The following ENOX2 variants were observed in gnomAD, a reference collection of about 807,000 sequenced individuals.
ENOX2 encodes the protein APK1 antigen.
In ENOX2, 36 loss-of-function variants were observed where a neutral mutation model predicts 45.0. The observed-to-expected ratio is 0.80, with a 90% CI of 0.61 to 1.06. The LOEUF is 1.06. Ranked by LOEUF, ENOX2 falls within the 50% of genes least tolerant of loss-of-function variation. ENOX2 has a pLI of 0.00. For missense variants in ENOX2, 423 were observed against 462.5 expected (o/e 0.91, Z 0.78); for synonymous variants, 174 against 152.3 (o/e 1.14, Z -1.05).
At chrX:130,883,048 T>C (rs2078845684) in intron 2 of ENOX2, among the ~76,000 whole-genome samples, 1 of 112,519 alleles carries the variant, frequency 8.9e-6, no homozygotes, top group Non-Finnish European at 1.9e-5. Flanking sequence ...ATATAAGGTA[T>C]TTATAACATG....
rs151296187 is a variant in ENOX2 at position 130,732,257 on chromosome X, C to T, written c.-38-29003G>A. ...AAAACAATTCCTATTAATAATAGCA[C>T]GAAGGAGAATAAAATACTTAGTAAT... On this transcript the variant is annotated intron_variant, in intron 3 of 14. Transcript: ENST00000394363. Among the ~76,000 whole-genome samples the T allele has an allele frequency of 5.8e-4, 65 of 111,358 alleles. No individual in the cohort carries two copies. The East Asian group carries it at 0.011, about 19-fold the overall frequency.
chrX:130,876,904 TGTTAA>T (rs1172130799), intron 2 of ENOX2, among the ~76,000 whole-genome samples: 4 of 111,940 alleles, frequency 3.6e-5, no homozygotes, highest in Non-Finnish European at 7.5e-5. Flanking sequence ...TACTAGAGAC[TGTTAA>T]ATTATTGGGA....
rs190352574 is a variant in ENOX2 at position 130,630,384 on chromosome X, T to C, written c.1528+1084A>G. 2.2e-4 allele frequency among the ~76,000 whole-genome samples: 24 copies of C among 111,053 alleles called. No individual in the cohort carries two copies. The East Asian group carries it at 6.8e-3, about 32-fold the overall frequency. Reference sequence around the variant, plus strand: ...ATAACTTTAGAATTGGGGCTGGCCATCAGAAAGACTTAGGCATGATTAGAG... The same window carrying C: ...ATAACTTTAGAATTGGGGCTGGCCACCAGAAAGACTTAGGCATGATTAGAG... On this transcript the variant is annotated intron_variant, in intron 13 of 14. Transcript: ENST00000394363.
chrX:130,873,955 G>A (rs2078648842), intron 2 of ENOX2, among the ~76,000 whole-genome samples: 1 of 110,781 alleles, frequency 9.0e-6, no homozygotes, highest in Non-Finnish European at 1.9e-5. Context: ...ATGATGGATT[G>A]ATGGGTGCAG....
intron 2 of ENOX2, among the ~76,000 whole-genome samples, chrX:130,882,198 T>G (rs73555145): frequency 1.1e-3 from 119 of 110,000 alleles, no homozygotes; most frequent in African/African-American, 3.6e-3. Context: ...AAATTTGGGG[T>G]GTACTTATGA....
chrX:130,640,019 G>C (rs1400958410), intron 10 of ENOX2, among the ~76,000 whole-genome samples: 1 of 112,101 alleles, frequency 8.9e-6, no homozygotes, highest in East Asian at 2.8e-4. Flanking sequence ...TATCTTCAGT[G>C]TCTAGTGAGG....
intron 6 of ENOX2, among the ~76,000 whole-genome samples, chrX:130,671,199 C>T (rs958463525): frequency 4.5e-5 from 5 of 111,927 alleles, no homozygotes; most frequent in African/African-American, 1.6e-4. Flanking sequence ...TAGACTTTTG[C>T]TTCTGGCTAA....
At chrX:130,880,924 A>G (rs2078796976) in intron 2 of ENOX2, among the ~76,000 whole-genome samples, 1 of 112,274 alleles carries the variant, frequency 8.9e-6, no homozygotes, top group Non-Finnish European at 1.9e-5. Context: ...TAAATTATCC[A>G]TAAAAAGAAA....
In ENOX2 at chrX:130,825,520, A is replaced by C. The variant is rs1024138386; in HGVS notation, c.-182-41830T>G. 4.5e-5 allele frequency among the ~76,000 whole-genome samples: 5 copies of C among 112,048 alleles called. No homozygotes were observed. In the Admixed American group the frequency reaches 4.7e-4, roughly 11 times the overall value. On this transcript the variant is annotated intron_variant, in intron 2 of 14. Transcript: ENST00000394363. ...TGTTTGGTAAATCTGTATGGTGAGT[A>C]TAACTGTACGGTAGTTCTCCCTTAA... is the stretch of plus-strand genomic sequence containing the variant.
chrX:130,772,748 G>A (rs775210316), intron 3 of ENOX2, among the ~76,000 whole-genome samples: 3 of 111,864 alleles, frequency 2.7e-5, no homozygotes, highest in East Asian at 2.8e-4. Context: ...CATCTTCTAC[G>A]TTTTACCTCC....
At position 130,803,501 on chromosome X, in the gene ENOX2, T is replaced by C. The variant is rs187154489; in HGVS notation, c.-182-19811A>G. On this transcript the variant is annotated intron_variant, in intron 2 of 14. Transcript: ENST00000394363. Reference sequence around the variant, plus strand: ...TTCAAAAACATGTATTATAACATGATTAGATCTGTACTTTACAAATAAGCC... The same window carrying C: ...TTCAAAAACATGTATTATAACATGACTAGATCTGTACTTTACAAATAAGCC... 5.4e-3 allele frequency among the ~76,000 whole-genome samples: 608 copies of C among 112,240 alleles called. 3 individuals carry two copies. Among genetic ancestry groups the C allele is most frequent in the Non-Finnish European group, 9.4e-3 (499 of 53,184 alleles).
intron 3 of ENOX2, among the ~76,000 whole-genome samples, chrX:130,756,384 T>C (rs1406610904): frequency 8.9e-6 from 1 of 112,271 alleles, no homozygotes; most frequent in African/African-American, 3.2e-5. Context: ...TAGGATGTCA[T>C]AGCTTTCCTG....
At chrX:130,750,093 C>T (rs1388149164) in intron 3 of ENOX2, among the ~76,000 whole-genome samples, 1 of 110,755 alleles carries the variant, frequency 9.0e-6, no homozygotes, top group African/African-American at 3.3e-5. Flanking sequence ...GTCTATCTGT[C>T]TCTGACCAAC....
intron 9 of ENOX2, among the ~76,000 whole-genome samples, chrX:130,663,487 C>T (rs777182639): frequency 5.8e-5 from 6 of 103,137 alleles, no homozygotes; most frequent in Admixed American, 5.3e-4. Context: ...GCTGAGATCG[C>T]GCCACTGCAC....
At chrX:130,707,549 C>T (rs1197210911) in intron 3 of ENOX2, among the ~76,000 whole-genome samples, 1 of 110,902 alleles carries the variant, frequency 9.0e-6, no homozygotes, top group African/African-American at 3.3e-5. Flanking sequence ...CACAGACACA[C>T]ACACAATTTC....
At chrX:130,728,634 T>A (rs1176056060) in intron 3 of ENOX2, among the ~76,000 whole-genome samples, 1 of 111,415 alleles carries the variant, frequency 9.0e-6, no homozygotes, top group African/African-American at 3.3e-5. Context: ...TATATTAAAA[T>A]TTTTCTGTTC....
At chrX:130,657,689 T>C (rs977846761) in intron 9 of ENOX2, among the ~76,000 whole-genome samples, 3 of 112,201 alleles carry the variant, frequency 2.7e-5, no homozygotes, top group African/African-American at 3.2e-5. Context: ...ACTAAGTAAA[T>C]TGACCGTTAC....
chrX:130,752,655 C>A (rs1196863046), intron 3 of ENOX2, among the ~76,000 whole-genome samples: 2 of 110,929 alleles, frequency 1.8e-5, no homozygotes, highest in Non-Finnish European at 3.8e-5. Context: ...TTGCCTATTT[C>A]TCTCGTCTTC....
intron 2 of ENOX2, among the ~76,000 whole-genome samples, chrX:130,835,556 A>G (rs2077915689): frequency 9.0e-6 from 1 of 111,572 alleles, no homozygotes; most frequent in African/African-American, 3.3e-5. Flanking sequence ...ATGTATGTAT[A>G]TTATGATAGG....
Sources: gnomAD v4.1 joint callset for allele counts (sites outside exome capture counted in the v4.1 genomes callset) on GRCh38, gnomAD v4.1.1 for gene constraint, MANE v1.5 for transcripts, NCBI Gene and HGNC (gene_info 2026-07-23, HGNC 2026-07-21) for gene names.